The following ADAMTS12 variants were observed in gnomAD, a reference collection of about 807,000 sequenced individuals.
The protein encoded by ADAMTS12 is ADAM metallopeptidase with thrombospondin type 1 motif 12.
ADAMTS12 carries 118 observed loss-of-function variants against 167.8 expected under a neutral mutation model. That is an observed-to-expected ratio of 0.70 (90% CI 0.61 to 0.82). The LOEUF is 0.82. Ranked by LOEUF, ADAMTS12 falls within the 40% of genes least tolerant of loss-of-function variation. The probability of loss-of-function intolerance (pLI) is 0.00; values close to 1 mark genes in which losing one functional copy is unlikely to be tolerated. For synonymous variants in ADAMTS12, 704 were observed against 716.9 expected, an observed-to-expected ratio of 0.98 and a Z score of 0.29; for missense variants, 1,916 against 1,998.8, an observed-to-expected ratio of 0.96 and a Z score of 0.79.
At chr5:33,822,555 C>T (rs1031074896) in intron 2 of ADAMTS12, among the ~76,000 whole-genome samples, 7 of 152,106 alleles carry the variant, frequency 4.6e-5, no homozygotes, top group Non-Finnish European at 1.0e-4. Flanking sequence ...TGTTTTTCAA[C>T]TTATCACCTG....
chr5:33,641,756 C>G (rs565287876), intron 11 of ADAMTS12, 54 bp downstream of exon 11: 1 of 1,475,322 alleles, frequency 6.8e-7, no homozygotes, highest in Non-Finnish European at 9.1e-7. Context: ...GACTGCCCCC[C>G]ATCCCGCCCC....
At chr5:33,682,826 G>A (rs1467823571) in intron 5 of ADAMTS12, among the ~76,000 whole-genome samples, 192 bp downstream of exon 5, 2 of 152,040 alleles carry the variant, frequency 1.3e-5, no homozygotes. Flanking sequence ...GTATATTTTG[G>A]AAATGTTATC....
At chr5:33,690,818 C>T (rs553660950) in intron 3 of ADAMTS12, among the ~76,000 whole-genome samples, 1 of 152,160 alleles carries the variant, frequency 6.6e-6, no homozygotes, top group East Asian at 1.9e-4. Flanking sequence ...CACTGATTTG[C>T]GGTCTGACCC....
In ADAMTS12 at chr5:33,684,065, A is replaced by G. The variant is rs1348720509; in HGVS notation, c.635-10T>C. On this transcript the variant is annotated splice_polypyrimidine_tract_variant and intron_variant, in intron 3 of 23. Transcript: ENST00000504830. The stretch of plus-strand genomic sequence containing the variant: ...GAGATGTTAACACTGTCTAAACAGT[A>G]AACAGAAGACAATGGTCTAACACTG... 4 of 1,547,464 alleles carry G rather than the reference A, an allele frequency of 2.6e-6. No homozygotes were observed. The highest frequency in any genetic ancestry group is 3.5e-6 in the Non-Finnish European group (4 of 1,147,686).
At chr5:33,736,270 C>T (rs1308107063) in intron 3 of ADAMTS12, among the ~76,000 whole-genome samples, 1 of 152,044 alleles carries the variant, frequency 6.6e-6, no homozygotes, top group Non-Finnish European at 1.5e-5. Flanking sequence ...ACCATATTGG[C>T]CAGGCTGGTC....
chr5:33,815,307 G>A (rs536005453), intron 2 of ADAMTS12, among the ~76,000 whole-genome samples: 37 of 152,220 alleles, frequency 2.4e-4, no homozygotes, highest in African/African-American at 8.7e-4. Context: ...TGTGGAGGCC[G>A]GGCCTTTGGG....
intron 10 of ADAMTS12, among the ~76,000 whole-genome samples, chr5:33,642,514 A>C (rs2112174843): frequency 6.6e-6 from 1 of 152,282 alleles, no homozygotes; most frequent in South Asian, 2.1e-4. Flanking sequence ...CATCAAGAAA[A>C]AAATTACACT....
chr5:33,639,849 T>G (rs1740375217), intron 11 of ADAMTS12, among the ~76,000 whole-genome samples: 1 of 152,212 alleles, frequency 6.6e-6, no homozygotes, highest in African/African-American at 2.4e-5. Context: ...TCCCTCAATG[T>G]GGCCTGAGTA....
chr5:33,690,790 T>C (rs940837953), intron 3 of ADAMTS12, among the ~76,000 whole-genome samples: 3 of 152,208 alleles, frequency 2.0e-5, no homozygotes, highest in African/African-American at 7.2e-5. Context: ...ATTTAACACT[T>C]GGAACGCAAA....
chr5:33,730,909 G>T (rs576245795), intron 3 of ADAMTS12, among the ~76,000 whole-genome samples: 1 of 152,306 alleles, frequency 6.6e-6, no homozygotes, highest in South Asian at 2.1e-4. Context: ...TAGCAGAAGG[G>T]TTGAGAATAA....
chr5:33,620,450 T>A (rs1284702849), intron 14 of ADAMTS12, among the ~76,000 whole-genome samples: 1 of 152,226 alleles, frequency 6.6e-6, no homozygotes, highest in African/African-American at 2.4e-5. Flanking sequence ...ATGATTAGCA[T>A]CACACAGCGT....
intron 2 of ADAMTS12, among the ~76,000 whole-genome samples, chr5:33,797,814 T>C (rs1746839284): frequency 6.6e-6 from 1 of 152,206 alleles, no homozygotes; most frequent in African/African-American, 2.4e-5. Flanking sequence ...GAGTACTAAA[T>C]AGAGAGCATA....
intron 5 of ADAMTS12, among the ~76,000 whole-genome samples, chr5:33,676,003 T>C (rs1193703309): frequency 6.6e-6 from 1 of 152,162 alleles, no homozygotes; most frequent in Non-Finnish European, 1.5e-5. Context: ...CAAACCCCCA[T>C]TCACACTATT....
intron 2 of ADAMTS12, among the ~76,000 whole-genome samples, chr5:33,787,321 C>A (rs1746367010): frequency 6.6e-6 from 1 of 152,190 alleles, no homozygotes; most frequent in Non-Finnish European, 1.5e-5. Context: ...GATGGGAGAA[C>A]ATGGAGCTTC....
Position 33,658,218 on chromosome 5 carries a change from G to C in ADAMTS12, c.1156C>G (p.Leu386Val). 6.2e-7 allele frequency: 1 copy of C among 1,613,692 alleles called. No individual in the cohort carries two copies. Among genetic ancestry groups the C allele is most frequent in the Non-Finnish European group, 8.5e-7 (1 of 1,179,686 alleles). The stretch of plus-strand genomic sequence containing the variant: ...AGCTCATGGGCAATTGTGAAAGCCA[G>C]AGGGAGTCCCGAATCTTCATTGATG... ...CNINEDSGLP[L>V]AFTIAHELGH... The change falls in exon 7 of 24, where the codon CTG (leucine) becomes GTG (valine). Residue 386 changes from leucine (L) to valine (V), a missense_variant. By Grantham distance (32) the Leu-to-Val change is conservative. Coordinates refer to ENST00000504830, the MANE Select transcript of ADAMTS12 (RefSeq NM_030955.4).
Position 33,524,228 on chromosome 5 carries a change from T to C in ADAMTS12, c.*2960A>G, listed in dbSNP as rs1169409985. The C allele has an allele frequency of 6.6e-6, 1 of 152,200 alleles. No homozygotes were observed. Among genetic ancestry groups the C allele is most frequent in the East Asian group, 1.9e-4 (1 of 5,198 alleles). The allele number at this position is 152,200 out of a possible 1,614,324, so 9.4% of individuals were successfully genotyped here. ...TCCTACAAAGGAGGCACTGAAACGATTTCCTGATTGAAGAAAGTAATCACT... is the reference window on the plus strand; with the variant it reads ...TCCTACAAAGGAGGCACTGAAACGACTTCCTGATTGAAGAAAGTAATCACT... On this transcript the variant is annotated 3_prime_UTR_variant, in exon 24 of 24. Transcript: ENST00000504830.
intron 2 of ADAMTS12, among the ~76,000 whole-genome samples, chr5:33,789,406 T>C (rs1746445283): frequency 6.6e-6 from 1 of 152,208 alleles, no homozygotes; most frequent in Non-Finnish European, 1.5e-5. Flanking sequence ...ACAGCCACCA[T>C]TGTCCATGCC....
chr5:33,612,856 T>C (rs1294188231), intron 16 of ADAMTS12, among the ~76,000 whole-genome samples: 1 of 152,212 alleles, frequency 6.6e-6, no homozygotes, highest in Non-Finnish European at 1.5e-5. Context: ...CCTTTGACCT[T>C]GATAGATTTC....
chr5:33,642,229 A>G (rs1740488337), intron 10 of ADAMTS12, among the ~76,000 whole-genome samples: 2 of 152,346 alleles, frequency 1.3e-5, no homozygotes, highest in South Asian at 4.1e-4. Context: ...GAGAATGTAA[A>G]TCAACATACT....
Sources: allele counts gnomAD v4.1 joint callset (sites outside exome capture counted in the v4.1 genomes callset), GRCh38; gene constraint gnomAD v4.1.1; transcripts MANE v1.5; gene names NCBI Gene and HGNC (gene_info 2026-07-23, HGNC 2026-07-21).